The following IFTAP variants were observed in gnomAD, a reference collection of about 807,000 sequenced individuals.
IFTAP encodes intraflagellar transport associated protein, also known as intraflagellar transport-associated protein.
In IFTAP, 19 loss-of-function variants were observed where a neutral mutation model predicts 19.4. That is an observed-to-expected ratio of 0.98 (90% CI 0.68 to 1.44). The LOEUF (loss-of-function observed/expected upper bound fraction) is 1.44, where lower values mean the gene tolerates loss of function less well. IFTAP is among the 40% of genes most tolerant of loss of function. The pLI is 0.00. For synonymous variants in IFTAP, 85 were observed against 83.5 expected (o/e 1.02, Z -0.10); for missense variants, 240 against 253.6 (o/e 0.95, Z 0.36).
rs1465133001 is a variant in IFTAP, at chr11:36,647,143, C to T, written c.359-873C>T. On this transcript the variant is annotated intron_variant, in intron 4 of 5. Coordinates refer to ENST00000334307, the MANE Select transcript of IFTAP (RefSeq NM_138787.4). ...TCATGCTTGTTATTAATCACTTCCACTGAGAAGTTAATTAGTGCCTTAATT... is the reference window on the plus strand; with the variant it reads ...TCATGCTTGTTATTAATCACTTCCATTGAGAAGTTAATTAGTGCCTTAATT... Among the ~76,000 whole-genome samples, 3 of 152,108 alleles carry T rather than the reference C, an allele frequency of 2.0e-5. No homozygotes were observed. In the East Asian group the frequency reaches 5.8e-4, roughly 29 times the overall value.
At chr11:36,634,838 G>A (rs1852875016) in intron 3 of IFTAP, among the ~76,000 whole-genome samples, 1 of 152,018 alleles carries the variant, frequency 6.6e-6, no homozygotes, top group Admixed American at 6.6e-5. Context: ...ATTGATGTTT[G>A]AATATCTTAA....
At chr11:36,650,565 A>G (rs1164597262) in intron 5 of IFTAP, among the ~76,000 whole-genome samples, 1 of 151,162 alleles carries the variant, frequency 6.6e-6, no homozygotes, top group East Asian at 1.9e-4. Context: ...TTCCAAAAAA[A>G]AAATATATTT....
At chr11:36,628,651 A>G (rs1246138782) in intron 2 of IFTAP, among the ~76,000 whole-genome samples, 1 of 151,194 alleles carries the variant, frequency 6.6e-6, no homozygotes, top group Non-Finnish European at 1.5e-5. Context: ...CAGCCACCAC[A>G]CAGAATTTTT....
chr11:36,619,435 T>C (rs2133406384), intron 2 of IFTAP, among the ~76,000 whole-genome samples: 1 of 152,056 alleles, frequency 6.6e-6, no homozygotes, highest in East Asian at 1.9e-4. Context: ...GAATTTAAAA[T>C]CTGCTGTAGA....
At chr11:36,616,524 A>G (rs993165525) in intron 2 of IFTAP, among the ~76,000 whole-genome samples, 27 of 152,002 alleles carry the variant, frequency 1.8e-4, no homozygotes, top group Non-Finnish European at 1.6e-4. Flanking sequence ...CTGTGGCTTT[A>G]TAAATTGCTG....
chr11:36,610,383 G>GACTGATGCCCTAATGTT, intron 2 of IFTAP, 144 bp downstream of exon 2: 1 of 716,920 alleles, frequency 1.4e-6, no homozygotes, highest in Non-Finnish European at 2.2e-6. Context: ...GGGCACTCGT[G>GACTGATGCCCTAATGTT]ACTGATGCCC....
chr11:36,610,818 G>A (rs1851853345), intron 2 of IFTAP, among the ~76,000 whole-genome samples: 1 of 110,174 alleles, frequency 9.1e-6, no homozygotes, highest in African/African-American at 5.1e-5. Context: ...CTGTTGTGAT[G>A]CTGCTGCTGC....
Position 36,627,091 on chromosome 11 carries a change from C to T in IFTAP, c.137-6193C>T, listed in dbSNP as rs114109410. ...GAGAAAGAAGTCAGGCTCAAAAGAC[C>T]ACATATCATATGATTCCACTGGTAT... On this transcript the variant is annotated intron_variant, in intron 2 of 5. Transcript: ENST00000334307. Among the ~76,000 whole-genome samples, 1,497 of 151,228 alleles carry T rather than the reference C, an allele frequency of 9.9e-3. 124 individuals carry two copies. Among genetic ancestry groups the T allele is most frequent in the African/African-American group, 0.035 (1,409 of 40,576 alleles).
At chr11:36,596,328 G>A (rs898333787) in intron 1 of IFTAP, among the ~76,000 whole-genome samples, 5 of 151,200 alleles carry the variant, frequency 3.3e-5, no homozygotes, top group African/African-American at 1.2e-4. Context: ...GACTCGTAAG[G>A]GGGTGATCTT....
intron 5 of IFTAP, 82 bp from the exon 6 acceptor site, chr11:36,658,937 A>T: frequency 9.7e-7 from 1 of 1,029,692 alleles, no homozygotes; most frequent in Non-Finnish European, 1.3e-6. Flanking sequence ...TTAATTAAAT[A>T]TTAATAGGGA....
rs188737824 is a variant in IFTAP, at chr11:36,620,273, A to G, written c.136+10034A>G. 3.5e-3 allele frequency among the ~76,000 whole-genome samples: 539 copies of G among 152,182 alleles called. 2 individuals carry two copies. The highest frequency in any genetic ancestry group is 0.012 in the African/African-American group (509 of 41,556). ...CACTGAAGGAAAAAAATATTGAATG[A>G]AGTGAACTAATTTATAGCAGAGTCC... is the stretch of plus-strand genomic sequence containing the variant. On this transcript the variant is annotated intron_variant, in intron 2 of 5. Transcript: ENST00000334307.
At chr11:36,631,369 C>G (rs1201655167) in intron 2 of IFTAP, among the ~76,000 whole-genome samples, 1 of 151,406 alleles carries the variant, frequency 6.6e-6, no homozygotes, top group Non-Finnish European at 1.5e-5. Context: ...TGTTTTCCCT[C>G]TCTGGCTTAT....
intron 2 of IFTAP, among the ~76,000 whole-genome samples, chr11:36,620,949 T>A (rs970969428): frequency 6.6e-6 from 1 of 151,958 alleles, no homozygotes; most frequent in African/African-American, 2.4e-5. Flanking sequence ...ATTAGAGAGT[T>A]GAACTTTTGT....
intron 5 of IFTAP, among the ~76,000 whole-genome samples, chr11:36,649,813 G>T (rs1041380103): frequency 1.2e-4 from 18 of 152,078 alleles, no homozygotes; most frequent in Admixed American, 1.2e-3. Flanking sequence ...TAACATCTTG[G>T]TTGGGAATTT....
chr11:36,623,985 A>G (rs1852406875), intron 2 of IFTAP, among the ~76,000 whole-genome samples: 2 of 150,066 alleles, frequency 1.3e-5, no homozygotes, highest in South Asian at 4.2e-4. Flanking sequence ...ATGTGTGTAT[A>G]TATATGTGTG....
At chr11:36,638,819 C>G (rs547540142) in intron 4 of IFTAP, among the ~76,000 whole-genome samples, 7 of 152,202 alleles carry the variant, frequency 4.6e-5, no homozygotes, top group African/African-American at 1.7e-4. Flanking sequence ...ATTTGTTCAC[C>G]CCATTCACTC....
intron 4 of IFTAP, among the ~76,000 whole-genome samples, chr11:36,646,959 G>A (rs924076028): frequency 6.6e-6 from 1 of 152,050 alleles, no homozygotes; most frequent in Non-Finnish European, 1.5e-5. Flanking sequence ...GGCTGTCTGT[G>A]TTCTCTGTTG....
chr11:36,631,447 A>G (rs1244497716), intron 2 of IFTAP, among the ~76,000 whole-genome samples: 1 of 151,398 alleles, frequency 6.6e-6, no homozygotes, highest in African/African-American at 2.5e-5. Context: ...TTATGTCCTA[A>G]AGATACCCTC....
intron 4 of IFTAP, among the ~76,000 whole-genome samples, chr11:36,636,889 C>T (rs16929249): frequency 0.12 from 17,253 of 148,502 alleles, 1,159 homozygotes; most frequent in African/African-American, 0.18. Context: ...CTTTGTTTCT[C>T]GAAGGATGTT....
Sources: gnomAD v4.1 joint callset for allele counts (sites outside exome capture counted in the v4.1 genomes callset) on GRCh38, gnomAD v4.1.1 for gene constraint, MANE v1.5 for transcripts, NCBI Gene and HGNC (gene_info 2026-07-23, HGNC 2026-07-21) for gene names.